The following CATSPERT variants were observed in gnomAD, a reference collection of about 807,000 sequenced individuals.
The protein encoded by CATSPERT is cation channel sperm-associated targeting subunit tau.
the CATSPERT span, among the ~76,000 whole-genome samples, chr2:201,500,490 A>T: frequency 6.6e-6 from 1 of 152,142 alleles, no homozygotes; most frequent in Non-Finnish European, 1.5e-5. Context: ...CTCCAGCCTG[A>T]GTGACAGAGT....
chr2:201,509,230 C>T, the CATSPERT span, among the ~76,000 whole-genome samples: 1 of 150,698 alleles, frequency 6.6e-6, no homozygotes, highest in Non-Finnish European at 1.5e-5. Context: ...TTTTGATTGG[C>T]ATTTGTCTTA....
the CATSPERT span, chr2:201,554,334 G>A: frequency 6.6e-6 from 1 of 152,032 alleles, no homozygotes; most frequent in Non-Finnish European, 1.5e-5. Context: ...ACTAACAATG[G>A]TATCTAGTAC....
chr2:201,563,160 C>A, the CATSPERT span, among the ~76,000 whole-genome samples: 2 of 61,724 alleles, frequency 3.2e-5, no homozygotes, highest in African/African-American at 4.8e-5. Context: ...CCCCCACCTC[C>A]CTCCCGGACG....
the CATSPERT span, among the ~76,000 whole-genome samples, chr2:201,545,787 G>A: frequency 0.48 from 72,310 of 151,836 alleles, 17,651 homozygotes; most frequent in East Asian, 0.75. Context: ...GGTTTGTGAG[G>A]AAAGCAATTC....
the CATSPERT span, among the ~76,000 whole-genome samples, chr2:201,594,381 A>T: frequency 6.6e-6 from 1 of 152,156 alleles, no homozygotes; most frequent in African/African-American, 2.4e-5. Context: ...TTTGAGGGTA[A>T]CCCGACCTTT....
the CATSPERT span, among the ~76,000 whole-genome samples, chr2:201,618,519 T>G: frequency 4.4e-5 from 6 of 136,912 alleles, no homozygotes; most frequent in African/African-American, 1.6e-4. Context: ...ATGAGAATAC[T>G]TGGACACGGG....
chr2:201,526,195 G>T, the CATSPERT span, among the ~76,000 whole-genome samples: 2 of 152,106 alleles, frequency 1.3e-5, no homozygotes, highest in Non-Finnish European at 1.5e-5. Flanking sequence ...TATCCCTGAT[G>T]AACATAGATG....
the CATSPERT span, among the ~76,000 whole-genome samples, chr2:201,495,375 G>A: frequency 6.6e-6 from 1 of 152,002 alleles, no homozygotes; most frequent in Non-Finnish European, 1.5e-5. Context: ...AATGGATGAG[G>A]GAGAACCATA....
At chr2:201,607,795 A>G in the CATSPERT span, among the ~76,000 whole-genome samples, 2 of 152,210 alleles carry the variant, frequency 1.3e-5, no homozygotes, top group African/African-American at 4.8e-5. Context: ...TGTGCCTCAG[A>G]ATGTCATTGT....
chr2:201,494,150 C>G, the CATSPERT span: 398 of 1,532,374 alleles, frequency 2.6e-4, 1 homozygote, highest in African/African-American at 5.0e-3. Context: ...TTGTTTAAAT[C>G]TTGTTTTTTT....
At chr2:201,567,718 C>G in the CATSPERT span, among the ~76,000 whole-genome samples, 1 of 152,338 alleles carries the variant, frequency 6.6e-6, no homozygotes, top group African/African-American at 2.4e-5. Context: ...TTGGATAAGG[C>G]CCACCCACAC....
At chr2:201,584,678 G>A in the CATSPERT span, among the ~76,000 whole-genome samples, 1 of 152,036 alleles carries the variant, frequency 6.6e-6, no homozygotes, top group East Asian at 1.9e-4. Context: ...AGCTACTCAG[G>A]AGGCTGAGGC....
chr2:201,581,433 C>CATAT, the CATSPERT span, among the ~76,000 whole-genome samples: 235 of 77,150 alleles, frequency 3.0e-3, 3 homozygotes, highest in Middle Eastern at 0.014. Context: ...TACTTAATTT[C>CATAT]ATATATATAT....
chr2:201,587,113 G>C, the CATSPERT span, among the ~76,000 whole-genome samples: 8 of 152,166 alleles, frequency 5.3e-5, no homozygotes, highest in Admixed American at 5.2e-4. Flanking sequence ...ATGTCCAATA[G>C]CATAATTCTA....
the CATSPERT span, among the ~76,000 whole-genome samples, chr2:201,561,430 C>A: frequency 6.6e-6 from 1 of 151,958 alleles, no homozygotes. Context: ...GGGAAACAGG[C>A]AGGAGGATGA....
the CATSPERT span, among the ~76,000 whole-genome samples, chr2:201,612,676 A>G: frequency 1.3e-5 from 2 of 151,492 alleles, no homozygotes; most frequent in Non-Finnish European, 1.5e-5. Context: ...TGATTCCTGC[A>G]TTTCCAACTG....
chr2:201,565,705 ATTTTTTT>A, the CATSPERT span: 25 of 1,345,892 alleles, frequency 1.9e-5, no homozygotes, highest in African/African-American at 1.1e-4. Flanking sequence ...GCTCTTTTGA[ATTTTTTT>A]TTTTTTTTTT....
At chr2:201,537,818 C>T in the CATSPERT span, among the ~76,000 whole-genome samples, 1 of 151,968 alleles carries the variant, frequency 6.6e-6, no homozygotes, top group Admixed American at 6.6e-5. Flanking sequence ...CATATGAAAT[C>T]AGACAAAATA....
At chr2:201,531,398 T>C in the CATSPERT span, among the ~76,000 whole-genome samples, 3 of 152,172 alleles carry the variant, frequency 2.0e-5, no homozygotes, top group Non-Finnish European at 2.9e-5. Context: ...CTCATCATTA[T>C]TACTAGATAG....
Sources: allele counts gnomAD v4.1 joint callset (sites outside exome capture counted in the v4.1 genomes callset), GRCh38; gene constraint gnomAD v4.1.1; transcripts MANE v1.5; gene names NCBI Gene and HGNC (gene_info 2026-07-23, HGNC 2026-07-21).